COL24A1: variants seen among roughly 807,000 people sequenced by gnomAD.
The protein encoded by COL24A1 is collagen alpha-1(XXIV) chain.
COL24A1 carries 224 observed loss-of-function variants against 253.9 expected under a neutral mutation model. The ratio of observed to expected loss-of-function variants is 0.88; its 90% CI spans 0.79 to 0.99. The LOEUF (loss-of-function observed/expected upper bound fraction) is 0.99. COL24A1 is among the 50% of genes least tolerant of loss of function. The pLI is 0.00. For missense variants in COL24A1, 2,131 were observed against 2,068.5 expected, an observed-to-expected ratio of 1.03 and a Z score of -0.59; for synonymous variants, 685 against 673.7, an observed-to-expected ratio of 1.02 and a Z score of -0.26.
intron 5 of COL24A1, among the ~76,000 whole-genome samples, chr1:86,094,744 A>C (rs1303476918): frequency 6.6e-6 from 1 of 152,008 alleles, no homozygotes; most frequent in Non-Finnish European, 1.5e-5. Flanking sequence ...AAGGTTATGA[A>C]ACCTAAGAAA....
intron 42 of COL24A1, among the ~76,000 whole-genome samples, chr1:85,838,844 T>G (rs1676300311): frequency 1.3e-5 from 2 of 152,202 alleles, no homozygotes; most frequent in East Asian, 3.8e-4. Flanking sequence ...GTGAATTATA[T>G]AAAGAGAATC....
At chr1:85,997,827 T>C (rs1442607274) in intron 19 of COL24A1, among the ~76,000 whole-genome samples, 1 of 152,104 alleles carries the variant, frequency 6.6e-6, no homozygotes, top group Non-Finnish European at 1.5e-5. Context: ...CTAAGAACTT[T>C]TGCTAGAGAT....
chr1:85,760,505 C>G (rs1458414807), intron 55 of COL24A1, among the ~76,000 whole-genome samples: 1 of 152,032 alleles, frequency 6.6e-6, no homozygotes, highest in Non-Finnish European at 1.5e-5. Context: ...TTATTCCTTG[C>G]CCCAATGAAA....
chr1:85,908,121 G>C (rs1221856114), intron 27 of COL24A1, among the ~76,000 whole-genome samples: 1 of 151,598 alleles, frequency 6.6e-6, no homozygotes, highest in Non-Finnish European at 1.5e-5. Context: ...ATTCTGATAA[G>C]CAAAATTAAT....
intron 10 of COL24A1, among the ~76,000 whole-genome samples, chr1:86,053,135 G>A (rs368477802): frequency 7.9e-5 from 12 of 152,154 alleles, no homozygotes; most frequent in East Asian, 7.7e-4. Flanking sequence ...GAGCATTTAG[G>A]ATTATGATGA....
chr1:86,131,289 A>T (rs535562584), intron 2 of COL24A1, among the ~76,000 whole-genome samples: 1 of 151,884 alleles, frequency 6.6e-6, no homozygotes, highest in East Asian at 1.9e-4. Context: ...ACAGGTTCAA[A>T]TTTTTTTTAT....
intron 55 of COL24A1, among the ~76,000 whole-genome samples, chr1:85,755,919 AACTT>A (rs768078156): frequency 0.022 from 423 of 19,180 alleles, 3 homozygotes; most frequent in East Asian, 0.032. Flanking sequence ...AAAAAAAAAA[AACTT>A]CTGTGCATCA....
intron 20 of COL24A1, among the ~76,000 whole-genome samples, chr1:85,973,409 T>C (rs749389263): frequency 3.9e-5 from 6 of 152,132 alleles, no homozygotes; most frequent in Non-Finnish European, 5.9e-5. Flanking sequence ...ATATGCAAAG[T>C]ATAAATAAGA....
At chr1:85,789,889 CG>C (rs1014169423) in intron 47 of COL24A1, among the ~76,000 whole-genome samples, 16 of 152,098 alleles carry the variant, frequency 1.1e-4, no homozygotes, top group African/African-American at 3.9e-4. Context: ...CCTTGCATCC[CG>C]GGGGTGAAGC....
At position 85,786,366 on chromosome 1, in the gene COL24A1, A is replaced by G; in HGVS notation, c.4047T>C (p.Ile1349=). ...AATATTAAAGTACCTTTGGGCCTTG[A>G]ATTCCTGGGCTTCCTGGCAAGCCTG... ...GSSGLPGSPG[I]QGPKGEQGLP... is the part of the protein sequence containing the mutation. Residue 1349 remains isoleucine, a synonymous_variant, in exon 48 of 60, where the codon ATT becomes ATC. Transcript: ENST00000370571. 1 of 1,613,648 alleles carries G rather than the reference A, an allele frequency of 6.2e-7. No individual in the cohort carries two copies. Among genetic ancestry groups the G allele is most frequent in the Non-Finnish European group, 8.5e-7 (1 of 1,179,694 alleles).
chr1:86,135,609 C>T (rs1290067522), intron 2 of COL24A1, among the ~76,000 whole-genome samples: 1 of 151,748 alleles, frequency 6.6e-6, no homozygotes, highest in Non-Finnish European at 1.5e-5. Flanking sequence ...GTGCTCCTTC[C>T]CATTTCATCT....
At chr1:85,971,039 T>C (rs1200116130) in intron 21 of COL24A1, among the ~76,000 whole-genome samples, 2 of 152,022 alleles carry the variant, frequency 1.3e-5, no homozygotes, top group East Asian at 3.9e-4. Flanking sequence ...AGCAAAACTG[T>C]GTCTTTACAA....
At chr1:86,057,315 T>C (rs1700738240) in intron 10 of COL24A1, among the ~76,000 whole-genome samples, 1 of 152,218 alleles carries the variant, frequency 6.6e-6, no homozygotes, top group Non-Finnish European at 1.5e-5. Flanking sequence ...TGGAGCCATA[T>C]CTGCATGGAC....
chr1:85,909,974 A>G lies in COL24A1; in HGVS notation c.2646T>C (p.Gly882=), dbSNP rs1247294308. The G allele has an allele frequency of 1.2e-6, 2 of 1,610,390 alleles. No individual in the cohort carries two copies. Among genetic ancestry groups the G allele is most frequent in the Non-Finnish European group, 1.7e-6 (2 of 1,177,068 alleles). Residue 882 remains glycine (G), a synonymous_variant, in exon 26 of 60, where the codon GGT becomes GGC. Transcript: ENST00000370571. ...KGERGSPGPL[G]PQGEKGVMGY... The stretch of plus-strand genomic sequence containing the variant: ...CCATAACACCTTTTTCTCCCTGCGG[A>G]CCTAGTGGGCCTGGACTTCCACGTT...
intron 10 of COL24A1, among the ~76,000 whole-genome samples, 173 bp from the exon 11 acceptor site, chr1:86,050,350 C>G (rs887671860): frequency 6.6e-6 from 1 of 152,094 alleles, no homozygotes; most frequent in Non-Finnish European, 1.5e-5. Flanking sequence ...AAAGATCAAT[C>G]TTCCCATTAA....
chr1:85,867,041 T>C (rs1188578379), intron 37 of COL24A1, among the ~76,000 whole-genome samples: 1 of 152,222 alleles, frequency 6.6e-6, no homozygotes, highest in Non-Finnish European at 1.5e-5. Context: ...ATTATTTTAA[T>C]TGCTGCTAAA....
intron 43 of COL24A1, among the ~76,000 whole-genome samples, chr1:85,838,236 GA>G (rs1266680548): frequency 6.6e-6 from 1 of 151,952 alleles, no homozygotes; most frequent in African/African-American, 2.4e-5. Flanking sequence ...AATAAACAAG[GA>G]AACAAATATA....
intron 39 of COL24A1, among the ~76,000 whole-genome samples, chr1:85,842,977 T>C (rs1676784354): frequency 6.6e-6 from 1 of 152,076 alleles, no homozygotes; most frequent in South Asian, 2.1e-4. Flanking sequence ...GCCCTTAGCC[T>C]ACTGAATAGA....
At chr1:85,732,214 G>A (rs1478981230) in intron 59 of COL24A1, among the ~76,000 whole-genome samples, 1 of 151,988 alleles carries the variant, frequency 6.6e-6, no homozygotes, top group Non-Finnish European at 1.5e-5. Flanking sequence ...TCCATGCCTG[G>A]GATTGATTTC....
Sources: gnomAD v4.1 joint callset for allele counts (sites outside exome capture counted in the v4.1 genomes callset) on GRCh38, gnomAD v4.1.1 for gene constraint, MANE v1.5 for transcripts, NCBI Gene and HGNC (gene_info 2026-07-23, HGNC 2026-07-21) for gene names.